Variants in LRP2 observed in about 807,000 individuals in gnomAD.
LRP2 encodes the protein low-density lipoprotein receptor-related protein 2.
In LRP2, 172 loss-of-function variants were observed where a neutral mutation model predicts 531.0. The ratio of observed to expected loss-of-function variants is 0.32; its 90% CI spans 0.29 to 0.37. LRP2 has a LOEUF of 0.37. Ranked by LOEUF, LRP2 falls within the 10% of genes least tolerant of loss-of-function variation. The pLI, the probability that LRP2 is intolerant of heterozygous loss-of-function variation, is 1.00. For missense variants in LRP2, 5,167 were observed against 5,868.3 expected, an observed-to-expected ratio of 0.88 and a Z score of 3.90; for synonymous variants, 1,992 against 2,027.6, an observed-to-expected ratio of 0.98 and a Z score of 0.47.
rs150382715 is a variant in LRP2, at chr2:169,152,839, C to G, written c.12421G>C (p.Val4141Leu). 1.9e-6 allele frequency: 3 copies of G among 1,614,078 alleles called. No homozygotes were observed. The highest frequency in any genetic ancestry group is 2.5e-6 in the Non-Finnish European group (3 of 1,179,944). The change falls in exon 67 of 79, where the codon GTA (valine) becomes CTA (leucine). Residue 4141 changes from valine (V) to leucine (L), a missense_variant. Physicochemically the swap from Val to Leu is conservative, Grantham distance 32. Around this residue, in one of 6 missense-constraint regions of LRP2, gnomAD observed 564 missense variants for 747.7 expected, o/e 0.75. Transcript: ENST00000649046. The stretch of plus-strand genomic sequence containing the variant: ...ACTGCTATTCCATCTGGCTGCATTA[C>G]GTATTTCAGTTTCAGGTCAACTTCC... ...VQEVDLKLKY[V>L]MQPDGIAVDW...
intron 12 of LRP2, 138 bp downstream of exon 12, chr2:169,279,234 A>T: frequency 1.4e-6 from 1 of 698,074 alleles, no homozygotes; most frequent in South Asian, 1.7e-5. Flanking sequence ...TAAGGGCACA[A>T]AATAGACATG....
intron 13 of LRP2, among the ~76,000 whole-genome samples, chr2:169,276,700 G>A (rs1238314934): frequency 6.6e-6 from 1 of 152,018 alleles, no homozygotes; most frequent in Non-Finnish European, 1.5e-5. Flanking sequence ...CTTTCATTGA[G>A]AAAACAATAA....
intron 4 of LRP2, among the ~76,000 whole-genome samples, chr2:169,300,530 G>A (rs1354102728): frequency 1.3e-5 from 2 of 152,042 alleles, no homozygotes; most frequent in African/African-American, 2.4e-5. Flanking sequence ...AGCCATTAAC[G>A]TTAATGCTAG....
At chr2:169,206,254 G>C (rs1688381914) in intron 39 of LRP2, 66 bp from the exon 40 acceptor site, 1 of 1,610,668 alleles carries the variant, frequency 6.2e-7, no homozygotes, top group Non-Finnish European at 8.5e-7. Context: ...ATATGCATTA[G>C]AAACACTCAG....
chr2:169,322,537 G>A (rs1684936144), intron 1 of LRP2, among the ~76,000 whole-genome samples: 1 of 152,142 alleles, frequency 6.6e-6, no homozygotes, highest in South Asian at 2.1e-4. Context: ...TTGCAAAAAT[G>A]CCCCTAAGGA....
intron 56 of LRP2, 115 bp downstream of exon 56, chr2:169,173,804 G>T: frequency 7.0e-7 from 1 of 1,437,114 alleles, no homozygotes; most frequent in Non-Finnish European, 9.7e-7. Flanking sequence ...GGAGTGCCAA[G>T]GGGGAGCATC....
chr2:169,343,929 A>G (rs2105563501), intron 1 of LRP2, among the ~76,000 whole-genome samples: 1 of 152,328 alleles, frequency 6.6e-6, no homozygotes, highest in South Asian at 2.1e-4. Flanking sequence ...TGAGAATAGC[A>G]TAGAATTTTT....
chr2:169,335,713 T>G (rs1685385242), intron 1 of LRP2, among the ~76,000 whole-genome samples: 1 of 151,930 alleles, frequency 6.6e-6, no homozygotes, highest in South Asian at 2.1e-4. Context: ...AATTTCAAAT[T>G]TTTCCTAAAA....
chr2:169,211,342 A>G (rs1291832061), intron 37 of LRP2, among the ~76,000 whole-genome samples: 1 of 152,190 alleles, frequency 6.6e-6, no homozygotes, highest in Non-Finnish European at 1.5e-5. Flanking sequence ...AGGTATACCT[A>G]AAAACCTTGG....
chr2:169,201,857 G>A lies in LRP2; in HGVS notation c.8223C>T (p.Cys2741=). ...EMESVCALHT[C]SPTAFTCANG... is the part of the protein sequence containing the mutation. ...TGGCACAGGTGAAGGCTGTCGGTGA[G>A]CAGGTGTGAAGTGCTAAGAACAGGA... is the stretch of plus-strand genomic sequence containing the variant. The change falls in exon 44 of 79, where the codon TGC becomes TGT. Residue 2741 remains cysteine, a synonymous_variant. Coordinates refer to ENST00000649046, the MANE Select transcript of LRP2 (RefSeq NM_004525.3). The A allele has an allele frequency of 6.2e-7, 1 of 1,614,136 alleles. No individual in the cohort carries two copies. Among genetic ancestry groups the A allele is most frequent in the Non-Finnish European group, 8.5e-7 (1 of 1,180,014 alleles).
At chr2:169,353,297 C>G (rs948259785) in intron 1 of LRP2, among the ~76,000 whole-genome samples, 1 of 152,096 alleles carries the variant, frequency 6.6e-6, no homozygotes, top group African/African-American at 2.4e-5. Flanking sequence ...CAAGGAAACA[C>G]GTAGCCCCAT....
intron 50 of LRP2, among the ~76,000 whole-genome samples, chr2:169,183,856 A>C (rs1425393317): frequency 6.6e-6 from 1 of 152,194 alleles, no homozygotes; most frequent in African/African-American, 2.4e-5. Flanking sequence ...TGGAGAAAAA[A>C]GTTGTTTCTA....
chr2:169,154,253 C>T (rs547694973), intron 66 of LRP2, among the ~76,000 whole-genome samples: 16 of 152,142 alleles, frequency 1.1e-4, no homozygotes, highest in South Asian at 2.1e-4. Context: ...CCCCAGTGAT[C>T]GGAGGAGTTT....
chr2:169,192,164 T>A (rs924520340), intron 47 of LRP2, 131 bp from the exon 48 acceptor site: 1 of 596,826 alleles, frequency 1.7e-6, no homozygotes, highest in East Asian at 2.8e-5. Flanking sequence ...CAAATTACAC[T>A]GCTATTATAA....
In LRP2 at chr2:169,289,123, C is replaced by A; in HGVS notation, c.945G>T (p.Leu315Phe). ...KYCSMTLCSA[L>F]NCQYQCHETP... is the part of the protein sequence containing the mutation. ...TCTCATGGCACTGGTACTGGCAGTT[C>A]AAGGCAGAGCACAGAGTCATACCTA... is the stretch of plus-strand genomic sequence containing the variant. The change falls in exon 9 of 79, where the codon TTG (leucine) becomes TTT (phenylalanine). Residue 315 changes from leucine (L) to phenylalanine (F), a missense_variant. Physicochemically the swap from Leu to Phe is conservative, Grantham distance 22 (BLOSUM62 0). Transcript: ENST00000649046. The A allele has an allele frequency of 6.2e-7, 1 of 1,614,058 alleles. No homozygotes were observed. Among genetic ancestry groups the A allele is most frequent in the Non-Finnish European group, 8.5e-7 (1 of 1,179,986 alleles).
chr2:169,267,609 T>C (rs1325725157), intron 16 of LRP2, among the ~76,000 whole-genome samples: 4 of 151,876 alleles, frequency 2.6e-5, no homozygotes, highest in Admixed American at 1.3e-4. Flanking sequence ...TGAAGTAGGG[T>C]GTAGAAGGAA....
chr2:169,202,050 T>A (rs1418815884), intron 43 of LRP2, among the ~76,000 whole-genome samples, 180 bp from the exon 44 acceptor site: 1 of 152,222 alleles, frequency 6.6e-6, no homozygotes, highest in East Asian at 1.9e-4. Flanking sequence ...AAGCAAAATA[T>A]GTTGTATACA....
At chr2:169,187,628 G>T (rs531878787) in intron 49 of LRP2, among the ~76,000 whole-genome samples, 10 of 152,236 alleles carry the variant, frequency 6.6e-5, no homozygotes, top group African/African-American at 2.4e-4. Context: ...TCTAGCAGAG[G>T]GATGCTTCAG....
At chr2:169,215,674 C>A (rs1047737851) in intron 35 of LRP2, among the ~76,000 whole-genome samples, 2 of 148,018 alleles carry the variant, frequency 1.4e-5, no homozygotes, top group South Asian at 4.2e-4. Flanking sequence ...ATTCTATATT[C>A]TATATATAAT....
Sources: allele counts gnomAD v4.1 joint callset (sites outside exome capture counted in the v4.1 genomes callset), GRCh38; gene constraint gnomAD v4.1.1; regional missense constraint gnomAD v4.1.1; transcripts MANE v1.5; gene names NCBI Gene and HGNC (gene_info 2026-07-23, HGNC 2026-07-21).